Variants in RNF180 observed in about 807,000 individuals in gnomAD.
RNF180 encodes ring finger protein 180.
Under a neutral mutation model 59.2 loss-of-function variants are expected in RNF180, and 38 were observed. The ratio of observed to expected loss-of-function variants is 0.64; its 90% CI spans 0.50 to 0.84. The LOEUF (loss-of-function observed/expected upper bound fraction) is 0.84. RNF180 is among the 40% of genes least tolerant of loss of function. The probability of loss-of-function intolerance (pLI) is 0.00; values close to 1 mark genes in which losing one functional copy is unlikely to be tolerated. For missense variants in RNF180, 705 were observed against 700.9 expected (o/e 1.01, Z -0.07); for synonymous variants, 262 against 240.3 (o/e 1.09, Z -0.84).
At chr5:64,235,953 G>C (rs1193781938) in intron 5 of RNF180, among the ~76,000 whole-genome samples, 1 of 152,194 alleles carries the variant, frequency 6.6e-6, no homozygotes, top group East Asian at 1.9e-4. Context: ...CCCAGTCCCA[G>C]GTAGTACATT....
intron 5 of RNF180, among the ~76,000 whole-genome samples, chr5:64,306,538 A>G (rs1743467091): frequency 6.6e-6 from 1 of 151,720 alleles, no homozygotes; most frequent in Non-Finnish European, 1.5e-5. Flanking sequence ...CTCTAAAAAG[A>G]TGTGACCATA....
chr5:64,231,269 A>G (rs1742087543), intron 5 of RNF180, among the ~76,000 whole-genome samples: 1 of 152,222 alleles, frequency 6.6e-6, no homozygotes, highest in African/African-American at 2.4e-5. Context: ...TCAGACTGCT[A>G]GGGTCCATTT....
In RNF180 at chr5:64,214,225, A is replaced by G. The variant is rs749351574; in HGVS notation, c.899A>G (p.His300Arg). The G allele has an allele frequency of 1.5e-5, 25 of 1,614,070 alleles. No homozygotes were observed. The highest frequency in any genetic ancestry group is 4.4e-5 in the South Asian group (4 of 91,078). Residue 300 changes from histidine (H) to arginine (R), a missense_variant, in exon 4 of 8, where the codon CAT becomes CGT. Coordinates refer to ENST00000389100, the MANE Select transcript of RNF180 (RefSeq NM_001113561.2). ...CTGCAAAGATTTTCAGTGGCCCCCC[A>G]TGAGACCCAGACACAAAGAGGAGGA... ...MLLQRFSVAPHETQTQRGGEF... is the reference protein window; with the variant it reads ...MLLQRFSVAPRETQTQRGGEF...
chr5:64,220,683 A>G (rs574649189), intron 5 of RNF180, among the ~76,000 whole-genome samples: 7 of 152,202 alleles, frequency 4.6e-5, no homozygotes, highest in African/African-American at 1.7e-4. Flanking sequence ...TCATTCTACT[A>G]TATTTGTATT....
At chr5:64,187,534 C>T (rs984395632) in intron 1 of RNF180, among the ~76,000 whole-genome samples, 1 of 152,184 alleles carries the variant, frequency 6.6e-6, no homozygotes, top group Non-Finnish European at 1.5e-5. Context: ...TGTGGTCTCT[C>T]TCTCTGTAAT....
At chr5:64,329,997 A>G (rs1002811516) in intron 6 of RNF180, among the ~76,000 whole-genome samples, 1 of 152,154 alleles carries the variant, frequency 6.6e-6, no homozygotes, top group African/African-American at 2.4e-5. Flanking sequence ...GTGAGGGACG[A>G]TGTCCTATTT....
intron 5 of RNF180, among the ~76,000 whole-genome samples, chr5:64,297,369 C>T (rs1377111104): frequency 1.3e-5 from 2 of 151,866 alleles, no homozygotes; most frequent in African/African-American, 4.8e-5. Flanking sequence ...CTCTATAAAC[C>T]GATTATTTTA....
intron 5 of RNF180, among the ~76,000 whole-genome samples, chr5:64,238,511 G>T (rs1302639476): frequency 6.6e-6 from 1 of 151,912 alleles, no homozygotes; most frequent in Non-Finnish European, 1.5e-5. Flanking sequence ...TTGTCTTTTG[G>T]TTTCTTTTGG....
chr5:64,168,237 T>C (rs1321831444), intron 1 of RNF180, among the ~76,000 whole-genome samples: 1 of 152,240 alleles, frequency 6.6e-6, no homozygotes, highest in Non-Finnish European at 1.5e-5. Context: ...CTTTGCTAAA[T>C]TTGGCAGAAT....
At chr5:64,365,751 T>TA (rs879403340) in intron 7 of RNF180, among the ~76,000 whole-genome samples, 1 of 151,702 alleles carries the variant, frequency 6.6e-6, no homozygotes, top group Admixed American at 6.6e-5. Context: ...TGTCTTTTTT[T>TA]ATCTTTGTTG....
intron 2 of RNF180, 25 bp from the exon 3 acceptor site, chr5:64,212,040 A>T (rs773919634): frequency 8.0e-7 from 1 of 1,245,270 alleles, no homozygotes; most frequent in Admixed American, 1.7e-5. Context: ...GGTAATTAGT[A>T]ATATCATTTA....
intron 7 of RNF180, among the ~76,000 whole-genome samples, chr5:64,340,248 CTCAAG>C (rs1745305883): frequency 6.6e-6 from 1 of 152,024 alleles, no homozygotes; most frequent in South Asian, 2.1e-4. Flanking sequence ...TCTAAACATA[CTCAAG>C]TCAAAGGAAT....
intron 4 of RNF180, among the ~76,000 whole-genome samples, chr5:64,216,823 C>CT (rs1454884981): frequency 2.0e-5 from 3 of 152,234 alleles, no homozygotes; most frequent in African/African-American, 7.2e-5. Flanking sequence ...CAGCATAGTC[C>CT]TTTTGTTTTT....
intron 1 of RNF180, among the ~76,000 whole-genome samples, chr5:64,194,573 T>TCGCCA (rs1423645816): frequency 6.6e-6 from 1 of 152,232 alleles, no homozygotes; most frequent in East Asian, 1.9e-4. Context: ...CCCTGAGGAC[T>TCGCCA]CGCCATACTG....
At chr5:64,198,542 G>A (rs1210636341) in intron 1 of RNF180, among the ~76,000 whole-genome samples, 1 of 152,106 alleles carries the variant, frequency 6.6e-6, no homozygotes, top group Non-Finnish European at 1.5e-5. Flanking sequence ...CTACTACATA[G>A]TTGTACCCCA....
intron 5 of RNF180, among the ~76,000 whole-genome samples, chr5:64,231,391 A>C (rs980868077): frequency 6.6e-5 from 10 of 152,182 alleles, no homozygotes; most frequent in African/African-American, 2.4e-4. Context: ...CTAATGAGCA[A>C]AGTGCCCTGA....
At chr5:64,326,065 TC>T (rs775963869) in intron 6 of RNF180, among the ~76,000 whole-genome samples, 1 of 152,182 alleles carries the variant, frequency 6.6e-6, no homozygotes, top group Non-Finnish European at 1.5e-5. Context: ...TGGGAAATTT[TC>T]TATCTTCACA....
At chr5:64,226,511 G>A (rs1741769316) in intron 5 of RNF180, among the ~76,000 whole-genome samples, 1 of 152,074 alleles carries the variant, frequency 6.6e-6, no homozygotes. Context: ...AGTACCCAGG[G>A]ACACAAACAC....
At chr5:64,204,500 A>G (rs993533869) in intron 2 of RNF180, among the ~76,000 whole-genome samples, 2 of 152,100 alleles carry the variant, frequency 1.3e-5, no homozygotes, top group Non-Finnish European at 2.9e-5. Flanking sequence ...TTTCTGCAAA[A>G]TGTCTTTTTT....
Sources: gnomAD v4.1 joint callset for allele counts (sites outside exome capture counted in the v4.1 genomes callset) on GRCh38, gnomAD v4.1.1 for gene constraint, MANE v1.5 for transcripts, NCBI Gene and HGNC (gene_info 2026-07-23, HGNC 2026-07-21) for gene names.